CFAP44: variants seen among roughly 807,000 people sequenced by gnomAD.
CFAP44 encodes the protein cilia and flagella associated protein 44.
A neutral mutation model predicts 216.2 loss-of-function variants in CFAP44; 134 were observed. The observed-to-expected ratio is 0.62, with a 90% CI of 0.54 to 0.72. The LOEUF (loss-of-function observed/expected upper bound fraction) is 0.72, where lower values mean the gene tolerates loss of function less well. Among genes scored for constraint, CFAP44 ranks in the 30% least tolerant of loss-of-function variants. The probability of loss-of-function intolerance (pLI) is 0.00; values close to 1 mark genes in which losing one functional copy is unlikely to be tolerated. For synonymous variants in CFAP44, 700 were observed against 727.6 expected (o/e 0.96, Z 0.61); for missense variants, 2,035 against 2,182.1 (o/e 0.93, Z 1.34).
At chr3:113,416,190 T>TC (rs1934641509) in intron 6 of CFAP44, among the ~76,000 whole-genome samples, 1 of 87,222 alleles carries the variant, frequency 1.1e-5, no homozygotes. Context: ...GTTTTTTTGT[T>TC]TTTTTTTCCT....
At chr3:113,316,276 T>C (rs1466409058) in intron 28 of CFAP44, among the ~76,000 whole-genome samples, 1 of 152,112 alleles carries the variant, frequency 6.6e-6, no homozygotes, top group Non-Finnish European at 1.5e-5. Context: ...CAACTTAAAA[T>C]CTGTGAGATG....
chr3:113,435,859 G>GA lies in CFAP44; in HGVS notation c.-5-2191_-5-2190insT, dbSNP rs1491288239. On this transcript the variant is annotated intron_variant, in intron 1 of 34. Transcript: ENST00000393845. ...TTTACTTTTTAAAAAGTGTATGTAC[G>GA]TGTGTGTGTGTGTGTGTGTGTGTGT... Among the ~76,000 whole-genome samples the GA allele has an allele frequency of 7.6e-5, 3 of 39,322 alleles. No homozygotes were observed. The East Asian group carries it at 4.7e-3, about 61-fold the overall frequency. The allele number at this position is 39,322 out of a possible 152,430, so 25.8% of individuals were successfully genotyped here. A position where few individuals can be genotyped will look rare whatever the true frequency, so the allele number is the denominator to read the frequency against.
At chr3:113,411,608 A>T (rs556971427) in intron 6 of CFAP44, among the ~76,000 whole-genome samples, 2 of 152,346 alleles carry the variant, frequency 1.3e-5, no homozygotes, top group East Asian at 3.9e-4. Context: ...CTTTTGGCTT[A>T]GGATTGTCTT....
chr3:113,366,526 A>T (rs926727350), intron 18 of CFAP44, among the ~76,000 whole-genome samples: 1 of 152,182 alleles, frequency 6.6e-6, no homozygotes, highest in African/African-American at 2.4e-5. Flanking sequence ...AAATTAGAAC[A>T]TTAGGGTAGG....
At chr3:113,364,056 G>A (rs1480100878) in intron 19 of CFAP44, among the ~76,000 whole-genome samples, 1 of 152,062 alleles carries the variant, frequency 6.6e-6, no homozygotes, top group Non-Finnish European at 1.5e-5. Context: ...CCCCCTCCTT[G>A]AAAGAGAAAG....
chr3:113,420,279 G>C (rs529894562), intron 4 of CFAP44, 100 bp from the exon 5 acceptor site: 2 of 1,209,692 alleles, frequency 1.7e-6, no homozygotes, highest in Non-Finnish European at 2.2e-6. Context: ...CTTAGATGAA[G>C]ATGTGAGGTT....
intron 25 of CFAP44, among the ~76,000 whole-genome samples, chr3:113,331,535 C>T (rs1393391202): frequency 6.6e-6 from 1 of 152,124 alleles, no homozygotes; most frequent in Non-Finnish European, 1.5e-5. Context: ...ACACAGAAAA[C>T]TGTATCAAGA....
chr3:113,391,966 T>C (rs1933852405), intron 15 of CFAP44, among the ~76,000 whole-genome samples: 1 of 152,164 alleles, frequency 6.6e-6, no homozygotes, highest in African/African-American at 2.4e-5. Context: ...GTACAACCAC[T>C]ATGGAGAACA....
chr3:113,328,462 C>G (rs894284171), intron 26 of CFAP44, among the ~76,000 whole-genome samples: 2 of 150,726 alleles, frequency 1.3e-5, no homozygotes, highest in Admixed American at 6.6e-5. Context: ...GCTTTCCCCC[C>G]CAGTATCACA....
intron 7 of CFAP44, among the ~76,000 whole-genome samples, chr3:113,408,107 CAAA>C (rs1559938991): frequency 6.6e-6 from 1 of 152,164 alleles, no homozygotes; most frequent in East Asian, 1.9e-4. Context: ...AAATGAATAA[CAAA>C]AAGACCAGAT....
intron 15 of CFAP44, among the ~76,000 whole-genome samples, chr3:113,390,003 C>A (rs1236558474): frequency 6.6e-6 from 1 of 152,082 alleles, no homozygotes; most frequent in Non-Finnish European, 1.5e-5. Context: ...TTCAACAAGG[C>A]CAGTACTACC....
intron 6 of CFAP44, among the ~76,000 whole-genome samples, chr3:113,415,270 T>C (rs763795493): frequency 2.0e-4 from 31 of 152,170 alleles, no homozygotes; most frequent in Middle Eastern, 3.2e-3. Context: ...CTTATTAGTC[T>C]AGCTAGTGGT....
chr3:113,345,655 C>A (rs570175972), intron 22 of CFAP44, among the ~76,000 whole-genome samples: 2 of 152,128 alleles, frequency 1.3e-5, no homozygotes, highest in Admixed American at 6.5e-5. Flanking sequence ...CCCACAGAGT[C>A]TTATTTTTAA....
chr3:113,330,510 C>A lies in CFAP44; in HGVS notation c.3774G>T (p.Gln1258His), dbSNP rs1230604755. The A allele has an allele frequency of 2.0e-5, 31 of 1,537,064 alleles. No homozygotes were observed. The highest frequency in any genetic ancestry group is 2.7e-5 in the Non-Finnish European group (31 of 1,146,904). ...SKHIPIPKIPQIHPEEVPEKR... is the reference protein window; with the variant it reads ...SKHIPIPKIPHIHPEEVPEKR... ...TTTCTGGAACTTCTTCTGGGTGTAT[C>A]TGAGGAATTTTGGGAATGGGTATGT... The change falls in exon 26 of 35, where the codon CAG becomes CAT. Residue 1258 changes from glutamine to histidine, a missense_variant. Transcript: ENST00000393845.
chr3:113,306,680 C>T (rs1949988634), intron 29 of CFAP44, among the ~76,000 whole-genome samples: 1 of 152,150 alleles, frequency 6.6e-6, no homozygotes, highest in African/African-American at 2.4e-5. Flanking sequence ...ATAACCAGTA[C>T]ATAACAGAAT....
intron 25 of CFAP44, among the ~76,000 whole-genome samples, chr3:113,333,006 A>G (rs1950253259): frequency 6.6e-6 from 1 of 152,192 alleles, no homozygotes; most frequent in Admixed American, 6.5e-5. Context: ...CTAACTCAAC[A>G]AAGATGTATT....
chr3:113,420,227 A>G lies in CFAP44; in HGVS notation c.408-48T>C, dbSNP rs763641420. ...AAGAAGTGAAAAACACTACCATCCT[A>G]GGGATTGGAAAAGTGATGAAATAAA... On this transcript the variant is annotated intron_variant, in intron 4 of 34. Transcript: ENST00000393845. The G allele has an allele frequency of 2.0e-6, 3 of 1,520,342 alleles. No homozygotes were observed. The African/African-American group carries it at 4.2e-5, about 21-fold the overall frequency. 94.2% of individuals were successfully genotyped at this position (1,520,342 alleles called of 1,614,324 possible). A position where few individuals can be genotyped will look rare whatever the true frequency, so the allele number is the denominator to read the frequency against.
At chr3:113,396,817 T>TA in intron 13 of CFAP44, 90 bp from the exon 14 acceptor site, 1 of 1,297,186 alleles carries the variant, frequency 7.7e-7, no homozygotes, top group Non-Finnish European at 1.1e-6. Flanking sequence ...ACTCAGGTAA[T>TA]TTAATATTGG....
intron 28 of CFAP44, among the ~76,000 whole-genome samples, chr3:113,308,698 C>T (rs1018744532): frequency 6.6e-6 from 1 of 152,042 alleles, no homozygotes; most frequent in African/African-American, 2.4e-5. Context: ...TCAAGCAATC[C>T]TCCCACCTCA....
Sources: allele counts gnomAD v4.1 joint callset (sites outside exome capture counted in the v4.1 genomes callset), GRCh38; gene constraint gnomAD v4.1.1; transcripts MANE v1.5; gene names NCBI Gene and HGNC (gene_info 2026-07-23, HGNC 2026-07-21).